ITFG1: variants seen among roughly 807,000 people sequenced by gnomAD.
ITFG1 encodes T-cell immunomodulatory protein.
In ITFG1, 34 loss-of-function variants were observed where a neutral mutation model predicts 81.8. The observed-to-expected ratio is 0.42, with a 90% CI of 0.32 to 0.55. ITFG1 has a LOEUF of 0.55. ITFG1 is among the 20% of genes least tolerant of loss of function. The pLI, the probability that ITFG1 is intolerant of heterozygous loss-of-function variation, is 0.17. For synonymous variants in ITFG1, 285 were observed against 270.6 expected (o/e 1.05, Z -0.52); for missense variants, 672 against 755.4 (o/e 0.89, Z 1.29).
At chr16:47,397,017 T>A (rs1293897803) in intron 6 of ITFG1, among the ~76,000 whole-genome samples, 2 of 152,078 alleles carry the variant, frequency 1.3e-5, no homozygotes, top group African/African-American at 4.8e-5. Flanking sequence ...AATTGATAGA[T>A]GCTAGTAATA....
chr16:47,258,492 C>A, intron 12 of ITFG1, 140 bp downstream of exon 12: 1 of 533,532 alleles, frequency 1.9e-6, no homozygotes, highest in Non-Finnish European at 3.3e-6. Flanking sequence ...TGAATGGGGT[C>A]TATGTATATA....
At chr16:47,438,529 A>G (rs771059112) in intron 5 of ITFG1, among the ~76,000 whole-genome samples, 1 of 152,198 alleles carries the variant, frequency 6.6e-6, no homozygotes, top group African/African-American at 2.4e-5. Context: ...CGGCTCACCA[A>G]TATTCGCTGT....
intron 6 of ITFG1, among the ~76,000 whole-genome samples, chr16:47,385,217 T>A (rs1968446432): frequency 1.3e-5 from 2 of 152,200 alleles, no homozygotes; most frequent in African/African-American, 2.4e-5. Context: ...AATAATCAGA[T>A]TATTAAGAAA....
intron 10 of ITFG1, among the ~76,000 whole-genome samples, chr16:47,266,243 AG>A (rs1411366657): frequency 2.6e-5 from 4 of 152,066 alleles, no homozygotes; most frequent in African/African-American, 7.3e-5. Flanking sequence ...TTTGTGATGG[AG>A]TCTCGCTCTG....
At chr16:47,326,370 C>A (rs1967542076) in intron 8 of ITFG1, among the ~76,000 whole-genome samples, 1 of 152,176 alleles carries the variant, frequency 6.6e-6, no homozygotes, top group South Asian at 2.1e-4. Flanking sequence ...CAATATCATA[C>A]TGAATGGACA....
At chr16:47,270,797 C>T (rs1966330459) in intron 10 of ITFG1, among the ~76,000 whole-genome samples, 1 of 152,104 alleles carries the variant, frequency 6.6e-6, no homozygotes, top group Admixed American at 6.5e-5. Context: ...TAAGAAAACC[C>T]AGACATAAAG....
At chr16:47,264,974 C>T (rs1228647240) in intron 10 of ITFG1, among the ~76,000 whole-genome samples, 3 of 152,036 alleles carry the variant, frequency 2.0e-5, no homozygotes, top group Non-Finnish European at 4.4e-5. Context: ...GTCTCATATC[C>T]TTGTTTGTAA....
chr16:47,410,762 T>G (rs1968800274), intron 6 of ITFG1, among the ~76,000 whole-genome samples: 1 of 152,148 alleles, frequency 6.6e-6, no homozygotes, highest in Non-Finnish European at 1.5e-5. Flanking sequence ...ACGTTGGAAT[T>G]GGCAGGCAAT....
intron 8 of ITFG1, among the ~76,000 whole-genome samples, chr16:47,314,749 A>C (rs1967325472): frequency 1.3e-5 from 2 of 152,116 alleles, no homozygotes; most frequent in Admixed American, 1.3e-4. Flanking sequence ...TTGGGGATTG[A>C]TTTTGTATTG....
chr16:47,352,426 G>C (rs1967974037), intron 8 of ITFG1, among the ~76,000 whole-genome samples: 1 of 152,154 alleles, frequency 6.6e-6, no homozygotes, highest in Non-Finnish European at 1.5e-5. Flanking sequence ...CTCAAAAGAA[G>C]ACATTTATGC....
At chr16:47,360,150 TGCTATTTGACTGA>T (rs1217784515) in intron 8 of ITFG1, among the ~76,000 whole-genome samples, 51 of 152,208 alleles carry the variant, frequency 3.4e-4, no homozygotes, top group Admixed American at 6.5e-4. Context: ...AGAATAAACA[TGCTATTTGACTGA>T]GCTATTTGAC....
chr16:47,229,984 A>C (rs1965797823), intron 13 of ITFG1, among the ~76,000 whole-genome samples: 1 of 152,178 alleles, frequency 6.6e-6, no homozygotes, highest in African/African-American at 2.4e-5. Context: ...TTTTATTATC[A>C]GTTATTGTTG....
intron 6 of ITFG1, among the ~76,000 whole-genome samples, chr16:47,414,599 A>G (rs910299548): frequency 2.6e-5 from 4 of 152,132 alleles, no homozygotes; most frequent in Non-Finnish European, 4.4e-5. Flanking sequence ...AATAACAACA[A>G]AAACCCAGGT....
intron 5 of ITFG1, among the ~76,000 whole-genome samples, chr16:47,434,695 C>T (rs188512404): frequency 6.6e-6 from 1 of 152,274 alleles, no homozygotes; most frequent in Admixed American, 6.5e-5. Flanking sequence ...AATCCCATTA[C>T]TGGGTATACA....
chr16:47,395,606 T>C (rs1968583695), intron 6 of ITFG1, among the ~76,000 whole-genome samples: 1 of 152,222 alleles, frequency 6.6e-6, no homozygotes, highest in African/African-American at 2.4e-5. Context: ...TGACTAAGGA[T>C]CACTGTTGGG....
chr16:47,215,301 A>T lies in ITFG1; in HGVS notation c.1453+3567T>A, dbSNP rs371815270. Among the ~76,000 whole-genome samples, 6 of 152,300 alleles carry T rather than the reference A, an allele frequency of 3.9e-5. No homozygotes were observed. The East Asian group carries it at 7.7e-4, about 20-fold the overall frequency. On this transcript the variant is annotated intron_variant, in intron 14 of 17. Transcript: ENST00000320640. ...CTTAACATTTAAACTGGGAATTTTC[A>T]TCCTTTAAAATTTGGGGCAGGGTTT... is the stretch of plus-strand genomic sequence containing the variant.
chr16:47,197,175 T>A (rs1965368077), intron 14 of ITFG1, among the ~76,000 whole-genome samples: 1 of 152,192 alleles, frequency 6.6e-6, no homozygotes, highest in African/African-American at 2.4e-5. Flanking sequence ...GCAGACAATC[T>A]CCAATTATGC....
intron 6 of ITFG1, among the ~76,000 whole-genome samples, chr16:47,422,837 C>A (rs1968968591): frequency 1.3e-5 from 2 of 152,066 alleles, no homozygotes; most frequent in Non-Finnish European, 2.9e-5. Context: ...GAGTGCTTTA[C>A]TTCCAATTAT....
chr16:47,375,420 A>C (rs1321258124), intron 7 of ITFG1, among the ~76,000 whole-genome samples: 1 of 152,224 alleles, frequency 6.6e-6, no homozygotes, highest in African/African-American at 2.4e-5. Flanking sequence ...AAAAAAAAAA[A>C]AACCCTATTG....
Sources: allele counts gnomAD v4.1 joint callset (sites outside exome capture counted in the v4.1 genomes callset), GRCh38; gene constraint gnomAD v4.1.1; transcripts MANE v1.5; gene names NCBI Gene and HGNC (gene_info 2026-07-23, HGNC 2026-07-21).